The following PRDM1 variants were observed in gnomAD, a reference collection of about 807,000 sequenced individuals.
The protein encoded by PRDM1 is PR domain zinc finger protein 1.
In PRDM1, 13 loss-of-function variants were observed where a neutral mutation model predicts 62.8. The observed-to-expected ratio is 0.21, with a 90% confidence interval of 0.13 to 0.33. PRDM1 has a LOEUF of 0.33. PRDM1 is among the 10% of genes least tolerant of loss of function. The pLI is 1.00. For synonymous variants in PRDM1, 396 were observed against 417.6 expected (o/e 0.95, Z 0.63); for missense variants, 895 against 1,058.8 (o/e 0.85, Z 2.15).
At chr6:105,995,257 CA>C (rs1246974433) in intron 1 of PRDM1, among the ~76,000 whole-genome samples, 1 of 152,228 alleles carries the variant, frequency 6.6e-6, no homozygotes, top group African/African-American at 2.4e-5. Context: ...AATGATCTTT[CA>C]TAACTAGGCT....
chr6:106,048,879 C>T (rs561621447), intron 1 of PRDM1, among the ~76,000 whole-genome samples: 2 of 151,872 alleles, frequency 1.3e-5, no homozygotes, highest in East Asian at 3.9e-4. Flanking sequence ...CCCAGGCTGG[C>T]GTACAGTGGC....
chr6:106,079,348 C>T (rs1442079712), intron 1 of PRDM1, among the ~76,000 whole-genome samples: 3 of 152,178 alleles, frequency 2.0e-5, no homozygotes, highest in African/African-American at 7.2e-5. Flanking sequence ...GTATAATGCA[C>T]CCAGTACCCA....
chr6:106,104,205 GT>G (rs11317538), intron 4 of PRDM1, among the ~76,000 whole-genome samples: 40,664 of 141,722 alleles, frequency 0.29, 5,297 homozygotes, highest in Admixed American at 0.4. Context: ...TAAAATGGAA[GT>G]TTTTTTTTTT....
At chr6:106,049,844 T>G (rs1429932514) in intron 1 of PRDM1, among the ~76,000 whole-genome samples, 1 of 152,214 alleles carries the variant, frequency 6.6e-6, no homozygotes, top group Admixed American at 6.5e-5. Flanking sequence ...TAAATTAGAT[T>G]GGTTCCTTGT....
chr6:106,076,679 T>G (rs1582452737), intron 1 of PRDM1, among the ~76,000 whole-genome samples: 1 of 152,362 alleles, frequency 6.6e-6, no homozygotes, highest in Non-Finnish European at 1.5e-5. Flanking sequence ...GATGTACAAC[T>G]GTTTCCTACA....
chr6:106,105,591 G>T lies in PRDM1; in HGVS notation c.1431G>T (p.Arg477Ser), dbSNP rs780879815. 6.2e-7 allele frequency: 1 copy of T among 1,613,200 alleles called. No individual in the cohort carries two copies. Among genetic ancestry groups the T allele is most frequent in the Non-Finnish European group, 8.5e-7 (1 of 1,179,318 alleles). ...PSSLPSDGAR[R>S]LLQPEHPREV... ...CGCTGCCCTCAGATGGAGCCCGGAG[G>T]TTGCTCCAGCCGGAGCATCCCAGGG... The change falls in exon 5 of 7, where the codon AGG becomes AGT. Residue 477 changes from arginine (R) to serine (S), a missense_variant. Physicochemically the swap from Arg to Ser is moderately radical, Grantham distance 110. This residue lies in a region of PRDM1 where 444 missense variants were observed against 422.7 expected (regional missense o/e 1.05). Coordinates refer to ENST00000369096, the MANE Select transcript of PRDM1 (RefSeq NM_001198.4).
In PRDM1 at chr6:106,106,568, C is replaced by T. The variant is rs2114660737; in HGVS notation, c.1902+69C>T. On this transcript the variant is annotated intron_variant, in intron 6 of 6. Transcript: ENST00000369096. The surrounding 1 kb of genome is among the most constrained non-coding windows in gnomAD (Gnocchi z 4.4). ...ATGTCTGTGAGTCACCCTCCCATGT[C>T]CTATATAGCCCGTAGTTAAAGCCAA... The T allele has an allele frequency of 6.3e-7, 1 of 1,587,234 alleles. No homozygotes were observed. Among genetic ancestry groups the T allele is most frequent in the Non-Finnish European group, 8.6e-7 (1 of 1,164,796 alleles).
intron 1 of PRDM1, among the ~76,000 whole-genome samples, chr6:106,038,173 C>T (rs955430988): frequency 1.3e-5 from 2 of 151,724 alleles, no homozygotes; most frequent in Non-Finnish European, 2.9e-5. Flanking sequence ...TTAGTAGACA[C>T]AGGATTTCAC....
chr6:106,002,410 A>G (rs1772436995), intron 1 of PRDM1, among the ~76,000 whole-genome samples: 1 of 152,156 alleles, frequency 6.6e-6, no homozygotes, highest in African/African-American at 2.4e-5. Context: ...ATGGGTGATG[A>G]TAAGGGATTT....
chr6:106,003,776 G>A (rs1397027803), intron 1 of PRDM1, among the ~76,000 whole-genome samples: 1 of 152,176 alleles, frequency 6.6e-6, no homozygotes, highest in African/African-American at 2.4e-5. Flanking sequence ...GAATCTGAAA[G>A]GAGCACAGAC....
intron 1 of PRDM1, among the ~76,000 whole-genome samples, chr6:106,060,162 A>G (rs976944113): frequency 2.0e-5 from 3 of 152,214 alleles, no homozygotes; most frequent in African/African-American, 7.2e-5. Context: ...TTGAACTCCA[A>G]GTCATGCTAT....
Position 106,061,736 on chromosome 6 carries a change from A to G in PRDM1, c.-67+13022A>G, listed in dbSNP as rs148652472. On this transcript the variant is annotated intron_variant, in intron 1 of 6. Transcript: ENST00000651185. The stretch of plus-strand genomic sequence containing the variant: ...AGTGATGGGCTTAAGGCTTTCAGCT[A>G]ATTAGGGGCAGAGGTCTTCATGCAT... 3.0e-3 allele frequency among the ~76,000 whole-genome samples: 461 copies of G among 152,288 alleles called. 6 individuals carry two copies. Among genetic ancestry groups the G allele is most frequent in the African/African-American group, 0.011 (439 of 41,564 alleles).
At chr6:106,007,889 A>G (rs1243413687) in intron 1 of PRDM1, among the ~76,000 whole-genome samples, 2 of 152,178 alleles carry the variant, frequency 1.3e-5, no homozygotes, top group African/African-American at 2.4e-5. Flanking sequence ...GGTACGCCCT[A>G]TGAGGACATG....
At chr6:106,085,435 A>G (rs1773774048), upstream of PRDM1, among the ~76,000 whole-genome samples, 1 of 152,252 alleles carries the variant, frequency 6.6e-6, no homozygotes, top group African/African-American at 2.4e-5. Context: ...GAAGTAAAGC[A>G]TCTGGTTTGT....
chr6:106,106,052 A>G lies in PRDM1; in HGVS notation c.1773+119A>G, dbSNP rs1774477213. The G allele has an allele frequency of 2.1e-6, 3 of 1,419,920 alleles. No homozygotes were observed. The highest frequency in any genetic ancestry group is 3.0e-5 in the South Asian group (2 of 67,378). The allele number at this position is 1,419,920 out of a possible 1,614,324, so 88.0% of individuals were successfully genotyped here. The stretch of plus-strand genomic sequence containing the variant: ...GTAGTATGAGCCCCCGGTTGGGGAT[A>G]GTGGGTATGGATTCCGCCTGGCTTT... On this transcript the variant is annotated intron_variant, in intron 5 of 6. Coordinates refer to ENST00000369096, the MANE Select transcript of PRDM1 (RefSeq NM_001198.4). This position sits in a 1 kb window ranked among gnomAD's most constrained non-coding sequence, Gnocchi z 4.4.
At chr6:106,082,946 A>G (rs1046839150), upstream of PRDM1, among the ~76,000 whole-genome samples, 2 of 152,148 alleles carry the variant, frequency 1.3e-5, no homozygotes, top group Non-Finnish European at 2.9e-5. Flanking sequence ...TCATACATAT[A>G]TTCTCTCTCA....
chr6:106,086,232 G>T (rs1015546614), upstream of PRDM1: 5 of 383,858 alleles, frequency 1.3e-5, no homozygotes, highest in Non-Finnish European at 1.9e-5. Context: ...CTGGGGGAAA[G>T]CCCTGGGCTC....
intron 1 of PRDM1, among the ~76,000 whole-genome samples, chr6:106,079,356 C>A (rs754131467): frequency 2.0e-5 from 3 of 152,176 alleles, no homozygotes; most frequent in Non-Finnish European, 2.9e-5. Context: ...CACCCAGTAC[C>A]CAGTTCAACA....
chr6:106,019,770 A>G (rs1403418653), intron 1 of PRDM1, among the ~76,000 whole-genome samples: 1 of 150,990 alleles, frequency 6.6e-6, no homozygotes, highest in East Asian at 2.0e-4. Flanking sequence ...CCTCCCAAGT[A>G]GCTGGAATAC....
Sources: allele counts gnomAD v4.1 joint callset (sites outside exome capture counted in the v4.1 genomes callset), GRCh38; gene constraint gnomAD v4.1.1; regional missense constraint gnomAD v4.1.1; non-coding constraint Gnocchi (gnomAD v3.1); transcripts MANE v1.5; gene names NCBI Gene and HGNC (gene_info 2026-07-23, HGNC 2026-07-21).